MLXIP: variants seen among roughly 807,000 people sequenced by gnomAD.
The protein encoded by MLXIP is MLX-interacting protein.
In MLXIP, 30 loss-of-function variants were observed where a neutral mutation model predicts 87.2. That is an observed-to-expected ratio of 0.34 (90% CI 0.26 to 0.47). The LOEUF (loss-of-function observed/expected upper bound fraction) is 0.47. Among genes scored for constraint, MLXIP ranks in the 20% least tolerant of loss-of-function variants. The pLI, the probability that MLXIP is intolerant of heterozygous loss-of-function variation, is 1.00. For synonymous variants in MLXIP, 530 were observed against 514.0 expected, an observed-to-expected ratio of 1.03 and a Z score of -0.42; for missense variants, 1,002 against 1,240.1, an observed-to-expected ratio of 0.81 and a Z score of 2.88.
intron 1 of MLXIP, 150 bp from the exon 2 acceptor site, chr12:122,127,106 C>A: frequency 1.4e-6 from 1 of 699,342 alleles, no homozygotes; most frequent in South Asian, 1.6e-5. Context: ...CTGAAGAAAT[C>A]CCCCAGTGAC....
intron 1 of MLXIP, among the ~76,000 whole-genome samples, chr12:122,117,879 A>C (rs1443758708): frequency 6.6e-6 from 1 of 152,226 alleles, no homozygotes; most frequent in Non-Finnish European, 1.5e-5. Flanking sequence ...CAATTATGAC[A>C]ATCTACTATT....
intron 15 of MLXIP, among the ~76,000 whole-genome samples, chr12:122,140,509 G>C (rs978120366): frequency 6.6e-6 from 1 of 152,052 alleles, no homozygotes; most frequent in African/African-American, 2.4e-5. Flanking sequence ...GGCCAGGCTG[G>C]TCTCAAACTC....
intron 1 of MLXIP, among the ~76,000 whole-genome samples, chr12:122,115,588 C>CCAAAAAAAAAAA (rs1555230323): frequency 9.0e-6 from 1 of 110,738 alleles, no homozygotes; most frequent in African/African-American, 4.2e-5. Flanking sequence ...AACTCCTTCT[C>CCAAAAAAAAAAA]AAAAAAAAAA....
rs765560664 is a variant in MLXIP, at chr12:122,130,936, G to A, written c.1000+3G>A. ...GGACACCTTTGAGCCTTTCCAGGGT[G>A]AGGACCAGAGGCAGAGAGAGCACGG... On this transcript the variant is annotated splice_donor_region_variant and intron_variant, in intron 7 of 16. Transcript: ENST00000319080. 17 of 1,605,732 alleles carry A rather than the reference G, an allele frequency of 1.1e-5. No individual in the cohort carries two copies. The highest frequency in any genetic ancestry group is 1.4e-5 in the Non-Finnish European group (16 of 1,172,480).
intron 1 of MLXIP, among the ~76,000 whole-genome samples, chr12:122,121,676 C>T (rs1952787193): frequency 6.6e-6 from 1 of 152,108 alleles, no homozygotes; most frequent in Non-Finnish European, 1.5e-5. Context: ...CCCGGCCTGC[C>T]CTCTCTGCCT....
Position 122,135,279 on chromosome 12 carries a change from A to C in MLXIP, c.1788A>C (p.Arg596Ser). The C allele has an allele frequency of 6.2e-7, 1 of 1,613,592 alleles. No homozygotes were observed. Among genetic ancestry groups the C allele is most frequent in the Non-Finnish European group, 8.5e-7 (1 of 1,179,852 alleles). The part of the protein sequence containing the change: ...AVIMTSGPLK[R>S]EGMLASTVSQ... ...TCATGACGTCAGGGCCTCTGAAGAGAGAAGGGATGTTGGCCTCCACCGTGT... is the reference window on the plus strand; with the variant it reads ...TCATGACGTCAGGGCCTCTGAAGAGCGAAGGGATGTTGGCCTCCACCGTGT... The change falls in exon 10 of 17, where the codon AGA (arginine) becomes AGC (serine). Residue 596 changes from arginine to serine, a missense_variant. Arg to Ser is a moderately radical substitution (Grantham distance 110). Transcript: ENST00000319080. This position sits in a 1 kb window ranked among gnomAD's most constrained non-coding sequence, Gnocchi z 5.3.
At chr12:122,102,285 A>T (rs1952449215) in intron 1 of MLXIP, among the ~76,000 whole-genome samples, 1 of 152,258 alleles carries the variant, frequency 6.6e-6, no homozygotes. Context: ...AGAGGACTTG[A>T]ATAGACATTT....
chr12:122,096,493 G>C (rs1199378331), intron 1 of MLXIP, among the ~76,000 whole-genome samples: 1 of 152,116 alleles, frequency 6.6e-6, no homozygotes, highest in African/African-American at 2.4e-5. Flanking sequence ...CTCTAAAAAT[G>C]GCAGCAATTC....
chr12:122,079,056 A>G lies in MLXIP; in HGVS notation c.203A>G (p.Glu68Gly). ...PPPPRAGPGR[E>G]EPPRRQQIIH... ...CCGCCTCGGGCCGGGCCGGGCCGCGAGGAACCTCCGCGCCGCCAGCAGATC... is the reference window on the plus strand; with the variant it reads ...CCGCCTCGGGCCGGGCCGGGCCGCGGGGAACCTCCGCGCCGCCAGCAGATC... The change falls in exon 1 of 17, where the codon GAG (glutamate) becomes GGG (glycine). Residue 68 changes from glutamate (E) to glycine (G), a missense_variant. Physicochemically the swap from Glu to Gly is moderately conservative, Grantham distance 98. Around this residue, in one of 3 missense-constraint regions of MLXIP, gnomAD observed 129 missense variants for 104.2 expected, o/e 1.24. Coordinates refer to ENST00000319080, the MANE Select transcript of MLXIP (RefSeq NM_014938.6). 3 of 1,506,960 alleles carry G rather than the reference A, an allele frequency of 2.0e-6. No individual in the cohort carries two copies. The South Asian group carries it at 3.7e-5, about 19-fold the overall frequency. 93.3% of individuals were successfully genotyped at this position (1,506,960 alleles called of 1,614,324 possible). A position where few individuals can be genotyped will look rare whatever the true frequency, so the allele number is the denominator to read the frequency against.
At chr12:122,083,437 G>A (rs1468716221) in intron 1 of MLXIP, among the ~76,000 whole-genome samples, 2 of 150,298 alleles carry the variant, frequency 1.3e-5, no homozygotes, top group Non-Finnish European at 3.0e-5. Flanking sequence ...TTTTTGAGAC[G>A]GAGTTTCGCT....
At chr12:122,096,923 C>T (rs1000021681) in intron 1 of MLXIP, among the ~76,000 whole-genome samples, 10 of 152,232 alleles carry the variant, frequency 6.6e-5, no homozygotes, top group South Asian at 2.1e-4. Context: ...GTACATGTCC[C>T]TGCAAGTTAC....
chr12:122,120,665 C>A (rs1359414285), intron 1 of MLXIP, among the ~76,000 whole-genome samples: 4 of 152,106 alleles, frequency 2.6e-5, no homozygotes, highest in Non-Finnish European at 2.9e-5. Context: ...TTATTGTTGA[C>A]CAAGCTGAGG....
rs970109463 is a variant in MLXIP, at chr12:122,147,176, A to T, written c.*5364A>T. 1 of 152,092 alleles carries T rather than the reference A, an allele frequency of 6.6e-6. No individual in the cohort carries two copies. The highest frequency in any genetic ancestry group is 2.4e-5 in the African/African-American group (1 of 41,396). The allele number at this position is 152,092 out of a possible 1,614,324, so 9.4% of individuals were successfully genotyped here. On this transcript the variant is annotated 3_prime_UTR_variant, in exon 17 of 17. Coordinates refer to ENST00000319080, the MANE Select transcript of MLXIP (RefSeq NM_014938.6). Reference sequence around the variant, plus strand: ...TGGTCTGAAGAACAAACCAGAGAAGAGTCTGGTTTGGCCAGAGGCCCCCTC... The same window carrying T: ...TGGTCTGAAGAACAAACCAGAGAAGTGTCTGGTTTGGCCAGAGGCCCCCTC...
Position 122,133,359 on chromosome 12 carries a change from G to A in MLXIP, c.1104G>A (p.Leu368=), listed in dbSNP as rs370478236. The change falls in exon 9 of 17, where the codon CTG becomes CTA. Residue 368 remains leucine (L), a synonymous_variant. Coordinates refer to ENST00000319080, the MANE Select transcript of MLXIP (RefSeq NM_014938.6). This position sits in a 1 kb window ranked among gnomAD's most constrained non-coding sequence, Gnocchi z 4.9. ...TCTTCCTTTTTCAGGAGAGCATCCT[G>A]CCGACCACAGCCCTCCCCACTGTGA... ...PNNPPAQESI[L]PTTALPTVSL... is the part of the protein sequence containing the mutation. The A allele has an allele frequency of 1.2e-5, 18 of 1,562,248 alleles. No individual in the cohort carries two copies. Among genetic ancestry groups the A allele is most frequent in the Admixed American group, 9.4e-5 (5 of 53,130 alleles).
chr12:122,120,977 A>G (rs1039605431), intron 1 of MLXIP, among the ~76,000 whole-genome samples: 3 of 145,276 alleles, frequency 2.1e-5, no homozygotes, highest in African/African-American at 7.7e-5. Context: ...TCTGAGACCT[A>G]TAACGATAGC....
chr12:122,081,303 G>A (rs965258707), intron 1 of MLXIP, among the ~76,000 whole-genome samples: 2 of 152,194 alleles, frequency 1.3e-5, no homozygotes, highest in Non-Finnish European at 2.9e-5. Flanking sequence ...GATCTGTCCA[G>A]TCATTTCTCA....
intron 1 of MLXIP, among the ~76,000 whole-genome samples, chr12:122,126,984 A>G (rs576270939): frequency 6.6e-6 from 1 of 152,324 alleles, no homozygotes; most frequent in South Asian, 2.1e-4. Flanking sequence ...TGTTTGGGTT[A>G]AAGTCCCTTC....
chr12:122,111,546 G>C (rs1488057069), intron 1 of MLXIP, among the ~76,000 whole-genome samples: 1 of 152,200 alleles, frequency 6.6e-6, no homozygotes, highest in Non-Finnish European at 1.5e-5. Flanking sequence ...GAATATAATG[G>C]AAACCTTTCC....
At chr12:122,106,587 C>T (rs551619389) in intron 1 of MLXIP, among the ~76,000 whole-genome samples, 17 of 141,130 alleles carry the variant, frequency 1.2e-4, no homozygotes, top group South Asian at 2.2e-4. Context: ...AAGATGGAAT[C>T]GCAGGTTCTT....
Sources: gnomAD v4.1 joint callset for allele counts (sites outside exome capture counted in the v4.1 genomes callset) on GRCh38, gnomAD v4.1.1 for gene constraint, gnomAD v4.1.1 regional missense constraint, Gnocchi (gnomAD v3.1) non-coding constraint, MANE v1.5 for transcripts, NCBI Gene and HGNC (gene_info 2026-07-23, HGNC 2026-07-21) for gene names.